The following YBX2 variants were observed in gnomAD, a reference collection of about 807,000 sequenced individuals.
YBX2 encodes Y-box-binding protein 2.
Under a neutral mutation model 44.4 loss-of-function variants are expected in YBX2, and 5 were observed. The ratio of observed to expected loss-of-function variants is 0.11; its 90% CI spans 0.06 to 0.24. The LOEUF (loss-of-function observed/expected upper bound fraction) is 0.24. Among genes scored for constraint, YBX2 ranks in the 10% least tolerant of loss-of-function variants. YBX2 has a pLI of 1.00. For synonymous variants in YBX2, 188 were observed against 216.1 expected (o/e 0.87, Z 1.14); for missense variants, 417 against 526.9 (o/e 0.79, Z 2.04).
At position 7,289,582 on chromosome 17, in the gene YBX2, T is replaced by C; in HGVS notation, c.992A>G (p.Gln331Arg). 6.2e-7 allele frequency: 1 copy of C among 1,612,566 alleles called. No homozygotes were observed. Among genetic ancestry groups the C allele is most frequent in the Non-Finnish European group, 8.5e-7 (1 of 1,179,590 alleles). Residue 331 changes from glutamine (Q) to arginine (R), a missense_variant, in exon 7 of 9, where the codon CAG (glutamine) becomes CGG (arginine). Gln to Arg is a conservative substitution (Grantham distance 43, BLOSUM62 1). Around this residue, in one of 3 missense-constraint regions of YBX2, gnomAD observed 257 missense variants for 261.7 expected, o/e 0.98. Coordinates refer to ENST00000007699, the MANE Select transcript of YBX2 (RefSeq NM_015982.4). ...AGGGGCCTGCTGGGGGCCAGGGGCC[T>C]GCTGCCGTCTCCGCTGGAAGTAGGG... is the stretch of plus-strand genomic sequence containing the variant. ...NRPYFQRRRQ[Q>R]APGPQQAPGP...
At chr17:7,292,288 G>C (rs1269964478) in intron 2 of YBX2, 2 of 564,682 alleles carry the variant, frequency 3.5e-6, no homozygotes, top group South Asian at 2.0e-5. Context: ...ACTTCACAAG[G>C]AAAGGGCAGG....
At position 7,290,344 on chromosome 17, in the gene YBX2, C is replaced by G; in HGVS notation, c.651G>C (p.Gly217=). The G allele has an allele frequency of 6.2e-7, 1 of 1,613,950 alleles. No individual in the cohort carries two copies. The part of the protein sequence containing the change: ...GSKGERAEDS[G]QRPRRWCPPP... ...GGGGGCACCATCGTCGGGGCCGTTG[C>G]CCAGAGTCTTCAGCCCGCTCCCCTT... Residue 217 remains glycine (G), a synonymous_variant, in exon 5 of 9, where the codon GGG becomes GGC. Coordinates refer to ENST00000007699, the MANE Select transcript of YBX2 (RefSeq NM_015982.4).
At position 7,292,238 on chromosome 17, in the gene YBX2, G is replaced by A. The variant is rs1009900834; in HGVS notation, c.336-179C>T. ...GCCAGCAGGGCCCCCAGAAGCTGGT[G>A]TAAAGAGAGATACACCTAAAACCTC... On this transcript the variant is annotated intron_variant, in intron 2 of 8. Coordinates refer to ENST00000007699, the MANE Select transcript of YBX2 (RefSeq NM_015982.4). 1.1e-5 allele frequency: 8 copies of A among 716,332 alleles called. No homozygotes were observed. In the Admixed American group the frequency reaches 1.7e-4, roughly 15 times the overall value. 44.4% of individuals were successfully genotyped at this position (716,332 alleles called of 1,614,324 possible).
At position 7,290,054 on chromosome 17, in the gene YBX2, T is replaced by C. The variant is rs1233016875; in HGVS notation, c.762A>G (p.Glu254=). 6.2e-7 allele frequency: 1 copy of C among 1,614,184 alleles called. No individual in the cohort carries two copies. Among genetic ancestry groups the C allele is most frequent in the Admixed American group, 1.7e-5 (1 of 60,028 alleles). The change falls in exon 6 of 9, where the codon GAA becomes GAG. Residue 254 remains glutamate (E), a synonymous_variant. Transcript: ENST00000007699. The stretch of plus-strand genomic sequence containing the variant: ...CCTCCAATGGGGCTGTCTCTTTGGG[T>C]TCTACCCTGTCAGTGCCCTGGGAAC... The part of the protein sequence containing the change: ...QQPIEGTDRV[E]PKETAPLEGH...
chr17:7,289,004 G>A (rs1413339807), intron 7 of YBX2, among the ~76,000 whole-genome samples, 166 bp from the exon 8 acceptor site: 1 of 152,170 alleles, frequency 6.6e-6, no homozygotes, highest in Non-Finnish European at 1.5e-5. Context: ...TGGGATTACA[G>A]GCATGTGCTA....
chr17:7,293,955 ACT>A (rs1399056274), intron 1 of YBX2: 25 of 458,886 alleles, frequency 5.4e-5, no homozygotes, highest in Non-Finnish European at 4.1e-5. Flanking sequence ...TCAACTAGGC[ACT>A]GTGTCCCGCC....
At chr17:7,293,031 A>G in intron 2 of YBX2, 1 of 218,388 alleles carries the variant, frequency 4.6e-6, no homozygotes, top group Non-Finnish European at 9.3e-6. Context: ...TGTCAGCCTC[A>G]GTCCCAACAG....
At position 7,291,073 on chromosome 17, in the gene YBX2, C is replaced by T. The variant is rs981545262; in HGVS notation, c.459+20G>A. 4 of 1,611,386 alleles carry T rather than the reference C, an allele frequency of 2.5e-6. No individual in the cohort carries two copies. The highest frequency in any genetic ancestry group is 1.3e-5 in the African/African-American group (1 of 74,916). On this transcript the variant is annotated intron_variant, in intron 4 of 8. Coordinates refer to ENST00000007699, the MANE Select transcript of YBX2 (RefSeq NM_015982.4). This position sits in a 1 kb window ranked among gnomAD's most constrained non-coding sequence, Gnocchi z 5.8. ...TCCCGTAAGCCTAGTCAACTCTATA[C>T]CCCATAGCAGTCCCCAAACCTTCTC...
chr17:7,290,092 C>T (rs376378003), intron 5 of YBX2, 21 bp from the exon 6 acceptor site: 59 of 1,613,526 alleles, frequency 3.7e-5, no homozygotes, highest in African/African-American at 3.3e-4. Flanking sequence ...GCAAAGGCCC[C>T]GGTGAGCTGT....
intron 2 of YBX2, 182 bp downstream of exon 2, chr17:7,293,293 G>A (rs1159384834): frequency 1.8e-6 from 2 of 1,091,300 alleles, no homozygotes; most frequent in African/African-American, 1.6e-5. Context: ...TGAAGATGCG[G>A]AGGAGGCTTC....
Position 7,294,607 on chromosome 17 carries a change from G to A in YBX2, c.-107C>T. On this transcript the variant is annotated 5_prime_UTR_variant, in exon 1 of 9. Transcript: ENST00000007699. This position sits in a 1 kb window ranked among gnomAD's most constrained non-coding sequence, Gnocchi z 4.6. Reference sequence around the variant, plus strand: ...CTCGCGCCCCGAGCCTCGCCCACACGCCGGCAGCGGGCCCGGAGCCGAGGC... The same window carrying A: ...CTCGCGCCCCGAGCCTCGCCCACACACCGGCAGCGGGCCCGGAGCCGAGGC... 8.5e-7 allele frequency: 1 copy of A among 1,179,986 alleles called. No homozygotes were observed. The highest frequency in any genetic ancestry group is 1.0e-6 in the Non-Finnish European group (1 of 953,566). 73.1% of individuals were successfully genotyped at this position (1,179,986 alleles called of 1,614,324 possible). A position where few individuals can be genotyped will look rare whatever the true frequency, so the allele number is the denominator to read the frequency against.
chr17:7,291,012 G>T lies in YBX2; in HGVS notation c.459+81C>A. On this transcript the variant is annotated intron_variant, in intron 4 of 8. Coordinates refer to ENST00000007699, the MANE Select transcript of YBX2 (RefSeq NM_015982.4). This position sits in a 1 kb window ranked among gnomAD's most constrained non-coding sequence, Gnocchi z 5.8. ...GCAGAACGGGTCAGAGCTGGCCCCA[G>T]GAGGGTCTTAGCCTGTGATGACCTC... 1 of 1,415,994 alleles carries T rather than the reference G, an allele frequency of 7.1e-7. No homozygotes were observed. Among genetic ancestry groups the T allele is most frequent in the Non-Finnish European group, 1.0e-6 (1 of 1,001,500 alleles). 87.7% of individuals were successfully genotyped at this position (1,415,994 alleles called of 1,614,324 possible). A position where few individuals can be genotyped will look rare whatever the true frequency, so the allele number is the denominator to read the frequency against.
At chr17:7,290,151 C>T in intron 5 of YBX2, 80 bp from the exon 6 acceptor site, 2 of 1,611,306 alleles carry the variant, frequency 1.2e-6, no homozygotes, top group Non-Finnish European at 1.7e-6. Context: ...TCTGCCCAAC[C>T]CTCAGTTCCT....
chr17:7,290,293 A>C lies in YBX2; in HGVS notation c.702T>G (p.Phe234Leu). 1 of 1,613,500 alleles carries C rather than the reference A, an allele frequency of 6.2e-7. No homozygotes were observed. The highest frequency in any genetic ancestry group is 8.5e-7 in the Non-Finnish European group (1 of 1,179,830). Residue 234 changes from phenylalanine (F) to leucine (L), a missense_variant, in exon 5 of 9, where the codon TTT becomes TTG. This residue lies in a region of YBX2 where 257 missense variants were observed against 261.7 expected (regional missense o/e 0.98). Coordinates refer to ENST00000007699, the MANE Select transcript of YBX2 (RefSeq NM_015982.4). ...GGTTGGGAGGCCGGGGGCCTCGCAC[A>C]AACCGCCGTCGGTAGAAGAAGGGTG... ...CPPPFFYRRR[F>L]VRGPRPPNQQ...
chr17:7,293,939 A>T (rs2072519904), intron 1 of YBX2: 1 of 488,772 alleles, frequency 2.0e-6, no homozygotes, highest in African/African-American at 1.9e-5. Flanking sequence ...CCTAGTTCTA[A>T]CCCAGTCAAC....
Position 7,291,007 on chromosome 17 carries a change from C to G in YBX2, c.459+86G>C. The G allele has an allele frequency of 2.9e-6, 4 of 1,358,310 alleles. No homozygotes were observed. Among genetic ancestry groups the G allele is most frequent in the Non-Finnish European group, 4.2e-6 (4 of 948,812 alleles). 84.1% of individuals were successfully genotyped at this position (1,358,310 alleles called of 1,614,324 possible). Reference sequence around the variant, plus strand: ...TTCCCGCAGAACGGGTCAGAGCTGGCCCCAGGAGGGTCTTAGCCTGTGATG... The same window carrying G: ...TTCCCGCAGAACGGGTCAGAGCTGGGCCCAGGAGGGTCTTAGCCTGTGATG... On this transcript the variant is annotated intron_variant, in intron 4 of 8. Coordinates refer to ENST00000007699, the MANE Select transcript of YBX2 (RefSeq NM_015982.4). This position sits in a 1 kb window ranked among gnomAD's most constrained non-coding sequence, Gnocchi z 5.8.
Position 7,294,161 on chromosome 17 carries a change from G to A in YBX2, c.271+69C>T. On this transcript the variant is annotated intron_variant, in intron 1 of 8. Transcript: ENST00000007699. This position sits in a 1 kb window ranked among gnomAD's most constrained non-coding sequence, Gnocchi z 4.6. ...CGCCTTTGGTTTTCCGGATCCTGCC[G>A]GGCTCCACACTGCCCCTCCCCCAGC... 1 of 1,238,738 alleles carries A rather than the reference G, an allele frequency of 8.1e-7. No individual in the cohort carries two copies. Among genetic ancestry groups the A allele is most frequent in the Non-Finnish European group, 1.0e-6 (1 of 992,874 alleles). The allele number at this position is 1,238,738 out of a possible 1,614,324, so 76.7% of individuals were successfully genotyped here.
chr17:7,291,350 C>T lies in YBX2; in HGVS notation c.370-168G>A, dbSNP rs890306071. 2.3e-5 allele frequency: 16 copies of T among 683,086 alleles called. No individual in the cohort carries two copies. The highest frequency in any genetic ancestry group is 1.6e-4 in the African/African-American group (9 of 56,510). The allele number at this position is 683,086 out of a possible 1,614,324, so 42.3% of individuals were successfully genotyped here. Reference sequence around the variant, plus strand: ...AGTTTAGCAGGGGAAAAGTCCTGAACTCAGGGCCTCAGCAGATTGTGCAGT... The same window carrying T: ...AGTTTAGCAGGGGAAAAGTCCTGAATTCAGGGCCTCAGCAGATTGTGCAGT... On this transcript the variant is annotated intron_variant, in intron 3 of 8. Transcript: ENST00000007699. The surrounding 1 kb of genome is among the most constrained non-coding windows in gnomAD (Gnocchi z 5.8).
intron 1 of YBX2, 183 bp from the exon 2 acceptor site, chr17:7,293,721 T>G (rs954219768): frequency 1.6e-6 from 2 of 1,214,072 alleles, no homozygotes; most frequent in Non-Finnish European, 2.3e-6. Flanking sequence ...GTCCACCAAA[T>G]GAAATCACCC....
Sources: allele counts gnomAD v4.1 joint callset (sites outside exome capture counted in the v4.1 genomes callset), GRCh38; gene constraint gnomAD v4.1.1; regional missense constraint gnomAD v4.1.1; non-coding constraint Gnocchi (gnomAD v3.1); transcripts MANE v1.5; gene names NCBI Gene and HGNC (gene_info 2026-07-23, HGNC 2026-07-21).